Variants in C1orf94 observed in about 807,000 individuals in gnomAD.
C1orf94 encodes chromosome 1 open reading frame 94, also known as uncharacterized protein C1orf94.
In C1orf94, 45 loss-of-function variants were observed where a neutral mutation model predicts 53.6. The observed-to-expected ratio is 0.84, with a 90% CI of 0.66 to 1.08. The LOEUF is 1.08. C1orf94 is among the 50% of genes least tolerant of loss of function. The probability of loss-of-function intolerance (pLI) is 0.00; values close to 1 mark genes in which losing one functional copy is unlikely to be tolerated. For missense variants in C1orf94, 762 were observed against 738.9 expected (o/e 1.03, Z -0.36); for synonymous variants, 304 against 296.1 (o/e 1.03, Z -0.27).
At chr1:34,198,350 T>A (rs1400370504) in intron 2 of C1orf94, among the ~76,000 whole-genome samples, 2 of 152,218 alleles carry the variant, frequency 1.3e-5, no homozygotes, top group African/African-American at 2.4e-5. Flanking sequence ...GGAGGTACCT[T>A]GAGGACATGA....
chr1:34,208,163 T>C lies in C1orf94; in HGVS notation c.1453T>C (p.Tyr485His). 1 of 1,614,058 alleles carries C rather than the reference T, an allele frequency of 6.2e-7. No individual in the cohort carries two copies. Among genetic ancestry groups the C allele is most frequent in the Non-Finnish European group, 8.5e-7 (1 of 1,179,978 alleles). ...HSTFLQYQGL[Y>H]PQQAARMPYQ... ...AGCCTCTGTTTCTCCCCAGGGCCTG[T>C]ACCCACAGCAGGCAGCGAGGATGCC... is the stretch of plus-strand genomic sequence containing the variant. The change falls in exon 5 of 7, where the codon TAC becomes CAC. Residue 485 changes from tyrosine to histidine, a missense_variant. Transcript: ENST00000488417.
intron 6 of C1orf94, among the ~76,000 whole-genome samples, chr1:34,216,381 ATAAGTAGGACTATC>A (rs1200213196): frequency 6.6e-6 from 1 of 152,184 alleles, no homozygotes; most frequent in Non-Finnish European, 1.5e-5. Context: ...GATTCTGTGA[ATAAGTAGGACTATC>A]TAGTGAGGTG....
intron 4 of C1orf94, among the ~76,000 whole-genome samples, chr1:34,202,924 A>G (rs1005693061): frequency 3.3e-5 from 5 of 152,250 alleles, no homozygotes; most frequent in African/African-American, 7.2e-5. Context: ...AATGCGAGTA[A>G]AAGATAATAC....
rs142985527 is a variant in C1orf94 at position 34,200,853 on chromosome 1, C to A, written c.1091C>A (p.Ala364Asp). The A allele has an allele frequency of 3.7e-6, 6 of 1,614,182 alleles. No individual in the cohort carries two copies. Among genetic ancestry groups the A allele is most frequent in the Non-Finnish European group, 5.1e-6 (6 of 1,180,030 alleles). ...LSQWPQSQKD[A>D]CGEEGCCDAV... ...CAGTGGCCCCAGAGCCAGAAGGACGCCTGTGGTGAGGAGGGTTGCTGTGAC... is the reference window on the plus strand; with the variant it reads ...CAGTGGCCCCAGAGCCAGAAGGACGACTGTGGTGAGGAGGGTTGCTGTGAC... Residue 364 changes from alanine to aspartate, a missense_variant, in exon 3 of 7, where the codon GCC becomes GAC. By Grantham distance (126) the Ala-to-Asp change is moderately radical. Transcript: ENST00000488417.
chr1:34,188,316 A>G (rs923135304), intron 1 of C1orf94, among the ~76,000 whole-genome samples: 1 of 152,196 alleles, frequency 6.6e-6, no homozygotes, highest in Non-Finnish European at 1.5e-5. Flanking sequence ...AAGGAAGGAG[A>G]TTGACCTTTA....
At chr1:34,194,481 G>A (rs1203644529) in intron 1 of C1orf94, among the ~76,000 whole-genome samples, 1 of 152,046 alleles carries the variant, frequency 6.6e-6, no homozygotes, top group Admixed American at 6.5e-5. Flanking sequence ...GGCCCTGTGG[G>A]GCTTCTAGAA....
At chr1:34,192,231 T>A (rs1443724158) in intron 1 of C1orf94, among the ~76,000 whole-genome samples, 2 of 152,172 alleles carry the variant, frequency 1.3e-5, no homozygotes, top group Admixed American at 1.3e-4. Flanking sequence ...AGCAAAGTGG[T>A]CGGGTGCCCA....
At chr1:34,215,916 G>T (rs573561834) in intron 6 of C1orf94, among the ~76,000 whole-genome samples, 1 of 152,296 alleles carries the variant, frequency 6.6e-6, no homozygotes, top group South Asian at 2.1e-4. Flanking sequence ...TGAGGCAGGA[G>T]AATTGCTTGA....
At position 34,177,098 on chromosome 1, in the gene C1orf94, G is replaced by C. The variant is rs1377610833; in HGVS notation, c.-692G>C. ...GGCAGCGCGGCGCGGCTGGGGCAGG[G>C]GTCTGCTGGGGGCCGGGGACTAAGG... is the stretch of plus-strand genomic sequence containing the variant. On this transcript the variant is annotated 5_prime_UTR_variant, in exon 1 of 7. Coordinates refer to ENST00000488417, the MANE Select transcript of C1orf94 (RefSeq NM_001134734.2). 6.6e-6 allele frequency among the ~76,000 whole-genome samples: 1 copy of C among 152,248 alleles called. No homozygotes were observed. Among genetic ancestry groups the C allele is most frequent in the Non-Finnish European group, 1.5e-5 (1 of 68,044 alleles).
chr1:34,174,826 T>A (rs1237336691), upstream of C1orf94, among the ~76,000 whole-genome samples: 1 of 152,210 alleles, frequency 6.6e-6, no homozygotes, highest in Non-Finnish European at 1.5e-5. Flanking sequence ...GTAACTTGCC[T>A]AAGCTTACAT....
At chr1:34,190,842 T>TA (rs1642470078) in intron 1 of C1orf94, among the ~76,000 whole-genome samples, 1 of 152,174 alleles carries the variant, frequency 6.6e-6, no homozygotes, top group South Asian at 2.1e-4. Context: ...TTTTGATATA[T>TA]AACAAACCAC....
intron 1 of C1orf94, among the ~76,000 whole-genome samples, chr1:34,171,463 A>T (rs1214043154): frequency 1.3e-5 from 2 of 152,040 alleles, no homozygotes; most frequent in African/African-American, 4.8e-5. Flanking sequence ...AAACAGATGG[A>T]TGGATGGATG....
chr1:34,210,113 A>T (rs1642865901), intron 5 of C1orf94, among the ~76,000 whole-genome samples: 1 of 152,188 alleles, frequency 6.6e-6, no homozygotes, highest in Admixed American at 6.5e-5. Context: ...CATCAGATAC[A>T]TGGAATCAGG....
At chr1:34,216,274 C>G (rs1364847167) in intron 6 of C1orf94, among the ~76,000 whole-genome samples, 2 of 151,730 alleles carry the variant, frequency 1.3e-5, no homozygotes, top group Non-Finnish European at 2.9e-5. Context: ...ATGAGATGGC[C>G]CAAAATACAC....
intron 1 of C1orf94, among the ~76,000 whole-genome samples, chr1:34,185,168 T>C (rs1220494397): frequency 1.3e-5 from 2 of 152,080 alleles, no homozygotes; most frequent in African/African-American, 2.4e-5. Context: ...CTCTTTATTT[T>C]ACTTTATTTT....
At chr1:34,201,965 G>T in intron 3 of C1orf94, 119 bp from the exon 4 acceptor site, 1 of 945,860 alleles carries the variant, frequency 1.1e-6, no homozygotes, top group South Asian at 1.7e-5. Flanking sequence ...AACCCTCTTG[G>T]AGCTTAAAGG....
intron 5 of C1orf94, among the ~76,000 whole-genome samples, chr1:34,209,231 A>T (rs539613782): frequency 5.9e-5 from 9 of 151,960 alleles, no homozygotes; most frequent in Non-Finnish European, 1.2e-4. Context: ...TACATCTTGT[A>T]CCTAGATGCA....
intron 1 of C1orf94, among the ~76,000 whole-genome samples, chr1:34,171,363 T>C (rs1461477516): frequency 1.3e-5 from 2 of 152,140 alleles, no homozygotes; most frequent in East Asian, 3.9e-4. Flanking sequence ...TCAGTCCAGG[T>C]GACAGTTCTT....
chr1:34,190,184 T>C (rs751815263), intron 1 of C1orf94, among the ~76,000 whole-genome samples: 38 of 152,278 alleles, frequency 2.5e-4, no homozygotes, highest in Non-Finnish European at 4.1e-4. Flanking sequence ...ACCCAGCACC[T>C]AGCAAACTCC....
Sources: allele counts gnomAD v4.1 joint callset (sites outside exome capture counted in the v4.1 genomes callset), GRCh38; gene constraint gnomAD v4.1.1; transcripts MANE v1.5; gene names NCBI Gene and HGNC (gene_info 2026-07-23, HGNC 2026-07-21).